Variants in WNK2 observed in about 807,000 individuals in gnomAD.
WNK2 encodes the protein serine/threonine-protein kinase WNK2.
In WNK2, 67 loss-of-function variants were observed where a neutral mutation model predicts 192.1. That is an observed-to-expected ratio of 0.35 (90% CI 0.29 to 0.43). The LOEUF (loss-of-function observed/expected upper bound fraction) is 0.43. WNK2 is among the 20% of genes least tolerant of loss of function. The probability of loss-of-function intolerance (pLI) is 1.00; values close to 1 mark genes in which losing one functional copy is unlikely to be tolerated. For synonymous variants in WNK2, 1,439 were observed against 1,393.9 expected (o/e 1.03, Z -0.72); for missense variants, 2,698 against 3,089.7 (o/e 0.87, Z 3.01).
chr9:93,223,502 A>G (rs1158168094), intron 2 of WNK2, among the ~76,000 whole-genome samples: 1 of 152,120 alleles, frequency 6.6e-6, no homozygotes, highest in Non-Finnish European at 1.5e-5. Context: ...TGGTTTTCTC[A>G]TCTGTTGGCT....
chr9:93,287,581 G>A (rs955237726), intron 19 of WNK2, among the ~76,000 whole-genome samples: 1 of 152,178 alleles, frequency 6.6e-6, no homozygotes, highest in African/African-American at 2.4e-5. Flanking sequence ...CGGTAAGGCC[G>A]GAAAGGAGCA....
chr9:93,259,125 G>A lies in WNK2; in HGVS notation c.2577G>A (p.Val859=), dbSNP rs1457320303. 6.2e-7 allele frequency: 1 copy of A among 1,611,552 alleles called. No individual in the cohort carries two copies. The highest frequency in any genetic ancestry group is 8.5e-7 in the Non-Finnish European group (1 of 1,179,250). The change falls in exon 12 of 30, where the codon GTG becomes GTA. Residue 859 remains valine, a synonymous_variant. Coordinates refer to ENST00000427277, the MANE Select transcript of WNK2 (RefSeq NM_006648.4). The surrounding 1 kb of genome is among the most constrained non-coding windows in gnomAD (Gnocchi z 4.8). ...PASPALPLQA[V]KLPHPPGAPL... ...CCCCAGCCTTGCCTCTGCAGGCTGT[G>A]AAGCTGCCCCACCCCCCTGGGGCGC... is the stretch of plus-strand genomic sequence containing the variant.
At position 93,198,457 on chromosome 9, in the gene WNK2, G is replaced by A. The variant is rs186529866; in HGVS notation, c.681+12847G>A. 5.3e-5 allele frequency among the ~76,000 whole-genome samples: 8 copies of A among 152,320 alleles called. No homozygotes were observed. In the East Asian group the frequency reaches 1.5e-3, roughly 29 times the overall value. ...CTCACAGGGAGCCCTGCTTACCCCG[G>A]TAGGGCGTAGGGGCAGGGCTATGTT... On this transcript the variant is annotated intron_variant, in intron 2 of 29. Coordinates refer to ENST00000427277, the MANE Select transcript of WNK2 (RefSeq NM_006648.4).
At chr9:93,231,580 T>G (rs1044978781) in intron 4 of WNK2, among the ~76,000 whole-genome samples, 1 of 152,192 alleles carries the variant, frequency 6.6e-6, no homozygotes, top group Non-Finnish European at 1.5e-5. Context: ...GAGCTCCCAG[T>G]GTCACCCGGG....
intron 7 of WNK2, among the ~76,000 whole-genome samples, chr9:93,243,671 C>G (rs1356396273): frequency 6.6e-6 from 1 of 152,216 alleles, no homozygotes; most frequent in East Asian, 1.9e-4. Flanking sequence ...TTGGGGCTCA[C>G]TCCCCGGGAA....
chr9:93,211,038 T>TCACA (rs1381861975), intron 2 of WNK2, among the ~76,000 whole-genome samples: 1 of 152,182 alleles, frequency 6.6e-6, no homozygotes, highest in African/African-American at 2.4e-5. Context: ...ATACATTCAC[T>TCACA]CACACATTCC....
Position 93,228,816 on chromosome 9 carries a change from A to G in WNK2, c.682-880A>G, listed in dbSNP as rs1838239257. ...TGGGGGAAGGGAAGGGCCAGGATCCAGGGGGACTATAGTGAGGGATGAGGT... is the reference window on the plus strand; with the variant it reads ...TGGGGGAAGGGAAGGGCCAGGATCCGGGGGGACTATAGTGAGGGATGAGGT... On this transcript the variant is annotated intron_variant, in intron 2 of 29. Coordinates refer to ENST00000427277, the MANE Select transcript of WNK2 (RefSeq NM_006648.4). Among the ~76,000 whole-genome samples, 3 of 152,246 alleles carry G rather than the reference A, an allele frequency of 2.0e-5. No homozygotes were observed. The South Asian group carries it at 6.2e-4, about 32-fold the overall frequency.
intron 19 of WNK2, among the ~76,000 whole-genome samples, chr9:93,286,633 C>T (rs751137536): frequency 1.3e-5 from 2 of 152,220 alleles, no homozygotes; most frequent in Non-Finnish European, 2.9e-5. Context: ...ATAGAACTAC[C>T]GTATGATCCA....
Position 93,268,913 on chromosome 9 carries a change from G to C in WNK2, c.4033+167G>C, listed in dbSNP as rs562834032. The C allele has an allele frequency of 1.0e-5, 16 of 1,560,154 alleles. No homozygotes were observed. The East Asian group carries it at 3.1e-4, about 30-fold the overall frequency. The stretch of plus-strand genomic sequence containing the variant: ...CCTGTGGGGCTGTGTTCCTATCCTT[G>C]TTTTCTGCTGAATCAGCTCAGTCAA... On this transcript the variant is annotated intron_variant, in intron 19 of 29. Transcript: ENST00000427277.
chr9:93,277,624 A>G (rs1460109931), intron 19 of WNK2, among the ~76,000 whole-genome samples: 1 of 152,240 alleles, frequency 6.6e-6, no homozygotes, highest in East Asian at 1.9e-4. Context: ...TTATAATGAC[A>G]TTCTAAAATG....
At chr9:93,202,348 G>GTA in intron 2 of WNK2, among the ~76,000 whole-genome samples, 1 of 146,612 alleles carries the variant, frequency 6.8e-6, no homozygotes, top group Non-Finnish European at 1.5e-5. Flanking sequence ...GTGTGTGTGT[G>GTA]TGTGTGTGTG....
At chr9:93,311,136 C>T (rs1853577176) in intron 28 of WNK2, among the ~76,000 whole-genome samples, 1 of 152,152 alleles carries the variant, frequency 6.6e-6, no homozygotes, top group Non-Finnish European at 1.5e-5. Context: ...CTCTATGTAC[C>T]TCATAGAGTG....
chr9:93,300,136 A>G lies in WNK2; in HGVS notation c.6201A>G (p.Val2067=), dbSNP rs1436572981. The change falls in exon 26 of 30, where the codon GTA becomes GTG. Residue 2067 remains valine (V), a synonymous_variant. Transcript: ENST00000427277. The part of the protein sequence containing the change: ...KPRARFLSGP[V]SVSIWSALKR... The stretch of plus-strand genomic sequence containing the variant: ...GTGCTCGATTCCTCAGTGGACCCGT[A>G]TCTGTGTCCATCTGTCTGTATTTGT... 6.2e-7 allele frequency: 1 copy of G among 1,613,006 alleles called. No homozygotes were observed. Among genetic ancestry groups the G allele is most frequent in the African/African-American group, 1.3e-5 (1 of 74,996 alleles).
In WNK2 at chr9:93,257,825, C is replaced by T. The variant is rs993300414; in HGVS notation, c.2382+686C>T. On this transcript the variant is annotated intron_variant, in intron 11 of 29. Coordinates refer to ENST00000427277, the MANE Select transcript of WNK2 (RefSeq NM_006648.4). This position sits in a 1 kb window ranked among gnomAD's most constrained non-coding sequence, Gnocchi z 4.7. Reference sequence around the variant, plus strand: ...TTCTCTGGGTACACTGTCTTTCACTCGAGGGACCTGACTGCATGTAACTGG... The same window carrying T: ...TTCTCTGGGTACACTGTCTTTCACTTGAGGGACCTGACTGCATGTAACTGG... Among the ~76,000 whole-genome samples, 3 of 152,206 alleles carry T rather than the reference C, an allele frequency of 2.0e-5. No individual in the cohort carries two copies. Among genetic ancestry groups the T allele is most frequent in the Admixed American group, 6.5e-5 (1 of 15,278 alleles).
chr9:93,275,476 A>G (rs544494927), intron 19 of WNK2, among the ~76,000 whole-genome samples: 1 of 152,132 alleles, frequency 6.6e-6, no homozygotes, highest in Non-Finnish European at 1.5e-5. Context: ...ACACACATAC[A>G]TACACACAAC....
chr9:93,319,280 ACAGGAGTTGGGAGC>A, intron 29 of WNK2: 1 of 1,494,394 alleles, frequency 6.7e-7, no homozygotes, highest in South Asian at 1.3e-5. Context: ...CCTAGGGAGC[ACAGGAGTTGGGAGC>A]CAGTTCTGGG....
At chr9:93,263,256 G>A in intron 14 of WNK2, 1 of 480,526 alleles carries the variant, frequency 2.1e-6, no homozygotes, top group Non-Finnish European at 3.8e-6. Flanking sequence ...TGTTTCTGTT[G>A]CTGTAGCACA....
intron 28 of WNK2, chr9:93,316,222 A>G (rs1854638993): frequency 6.6e-6 from 1 of 152,234 alleles, no homozygotes; most frequent in Admixed American, 6.5e-5. Context: ...TGCTCAGGAA[A>G]GACTTTCAGT....
rs1356233266 is a variant in WNK2, at chr9:93,239,757, G to A, written c.1323G>A (p.Arg441=). 10 of 1,549,908 alleles carry A rather than the reference G, an allele frequency of 6.5e-6. No individual in the cohort carries two copies. In the Middle Eastern group the frequency reaches 5.3e-4, roughly 81 times the overall value. ...TGCCTGTCAGCTGCTCTCCCTCCAG[G>A]TACGAGATCAAAGACCTGCTGAGCC... ...GECICKNKEE[R]YEIKDLLSHA... Residue 441 remains arginine (R), a splice_region_variant and synonymous_variant, in exon 7 of 30, where the codon AGG becomes AGA. Transcript: ENST00000427277. The surrounding 1 kb of genome is among the most constrained non-coding windows in gnomAD (Gnocchi z 4.2).
Sources: gnomAD v4.1 joint callset for allele counts (sites outside exome capture counted in the v4.1 genomes callset) on GRCh38, gnomAD v4.1.1 for gene constraint, Gnocchi (gnomAD v3.1) non-coding constraint, MANE v1.5 for transcripts, NCBI Gene and HGNC (gene_info 2026-07-23, HGNC 2026-07-21) for gene names.